Variants in RFX8 observed in about 807,000 individuals in gnomAD.
RFX8 encodes the protein DNA-binding protein RFX8.
RFX8 carries 46 observed loss-of-function variants against 54.6 expected under a neutral mutation model. The ratio of observed to expected loss-of-function variants is 0.84; its 90% CI spans 0.67 to 1.08. RFX8 has a LOEUF of 1.08. RFX8 is among the 50% of genes least tolerant of loss of function. The probability of loss-of-function intolerance (pLI) is 0.00; values close to 1 mark genes in which losing one functional copy is unlikely to be tolerated. For synonymous variants in RFX8, 192 were observed against 209.5 expected (o/e 0.92, Z 0.72); for missense variants, 536 against 562.3 (o/e 0.95, Z 0.47).
At chr2:101,399,097 G>A (rs998036755) in intron 11 of RFX8, among the ~76,000 whole-genome samples, 2 of 152,132 alleles carry the variant, frequency 1.3e-5, no homozygotes, top group South Asian at 2.1e-4. Flanking sequence ...TATTTTGAAC[G>A]CCGCTAGAAT....
rs1282741038 is a variant in RFX8 at position 101,402,581 on chromosome 2, G to A, written c.1100C>T (p.Ser367Leu). The change falls in exon 11 of 12, where the codon TCA becomes TTA. Residue 367 changes from serine (S) to leucine (L), a missense_variant. Transcript: ENST00000428343. ...DQALFHSLNS[S>L]LSQACASPSM... is the part of the protein sequence containing the mutation. ...GGGGCTGGCACACGCCTGCGACAGT[G>A]AGGAATTCAGAGAATGGAAAAGTGC... is the stretch of plus-strand genomic sequence containing the variant. The A allele has an allele frequency of 9.0e-6, 14 of 1,551,954 alleles. No individual in the cohort carries two copies. Among genetic ancestry groups the A allele is most frequent in the South Asian group, 1.2e-5 (1 of 84,058 alleles).
chr2:101,429,659 C>T (rs980541169), intron 2 of RFX8, among the ~76,000 whole-genome samples: 4 of 152,246 alleles, frequency 2.6e-5, no homozygotes, highest in African/African-American at 9.6e-5. Context: ...CCCACGTCCC[C>T]GTCACTCAGC....
At chr2:101,444,582 A>G (rs1249030385) in intron 2 of RFX8, among the ~76,000 whole-genome samples, 2 of 152,376 alleles carry the variant, frequency 1.3e-5, no homozygotes, top group East Asian at 3.9e-4. Flanking sequence ...AGGATTTTCA[A>G]GCAGTCATTA....
At position 101,470,549 on chromosome 2, in the gene RFX8, A is replaced by G. The variant is rs980407887; in HGVS notation, c.-52-3649T>C. Among the ~76,000 whole-genome samples the G allele has an allele frequency of 1.2e-4, 18 of 152,214 alleles. 1 individual carries two copies. The East Asian group carries it at 3.3e-3, about 28-fold the overall frequency. On this transcript the variant is annotated intron_variant, in intron 1 of 11. Transcript: ENST00000428343. ...CACTAGATTCCTTGCTTAGCTTCGT[A>G]ATAACACTATTTTCCTGGTCTTGCC... is the stretch of plus-strand genomic sequence containing the variant.
Position 101,417,667 on chromosome 2 carries a change from G to A in RFX8, c.369C>T (p.Leu123=). The A allele has an allele frequency of 6.5e-7, 1 of 1,548,892 alleles. No individual in the cohort carries two copies. The highest frequency in any genetic ancestry group is 8.7e-7 in the Non-Finnish European group (1 of 1,145,974). ...AAACATCTTCCAAGAAGTCATGAAG[G>A]AGAACATCCTCAATTCCCTACAACA... ...VQLYKGIEDV[L]LHDFLEDVSI... is the part of the protein sequence containing the mutation. Residue 123 remains leucine (L), a synonymous_variant, in exon 6 of 12, where the codon CTC becomes CTT. Transcript: ENST00000428343.
intron 2 of RFX8, among the ~76,000 whole-genome samples, chr2:101,449,921 C>A (rs1057355889): frequency 6.6e-6 from 1 of 151,748 alleles, no homozygotes; most frequent in African/African-American, 2.4e-5. Flanking sequence ...GTCCTGAGGG[C>A]TAAAGGAAGC....
At chr2:101,418,783 G>A in intron 5 of RFX8, 68 bp downstream of exon 5, 1 of 951,880 alleles carries the variant, frequency 1.1e-6, no homozygotes, top group African/African-American at 1.6e-5. Context: ...GGAGCTGTGG[G>A]TCCAAACCCA....
chr2:101,447,362 A>G lies in RFX8; in HGVS notation c.72+19415T>C, dbSNP rs1037562823. On this transcript the variant is annotated intron_variant, in intron 2 of 11. Coordinates refer to ENST00000428343, the MANE Select transcript of RFX8 (RefSeq NM_001145664.2). ...ATGTCCTTGTTCCTGCAGCTGTAAC[A>G]AAATACCTTAGACTGGGTACTTTAT... 3.3e-5 allele frequency among the ~76,000 whole-genome samples: 5 copies of G among 152,346 alleles called. No individual in the cohort carries two copies. In the South Asian group the frequency reaches 1.0e-3, roughly 32 times the overall value.
Position 101,466,871 on chromosome 2 carries a change from T to C in RFX8, c.-23A>G, listed in dbSNP as rs543718145. On this transcript the variant is annotated 5_prime_UTR_variant, in exon 2 of 12. Coordinates refer to ENST00000428343, the MANE Select transcript of RFX8 (RefSeq NM_001145664.2). Reference sequence around the variant, plus strand: ...CATGAGACAGCGAGGGACGCTGCACTCTTCGCAAATGCAGAAGTTGTCGAC... The same window carrying C: ...CATGAGACAGCGAGGGACGCTGCACCCTTCGCAAATGCAGAAGTTGTCGAC... 71 of 1,537,198 alleles carry C rather than the reference T, an allele frequency of 4.6e-5. No individual in the cohort carries two copies. In the African/African-American group the frequency reaches 9.2e-4, roughly 20 times the overall value.
chr2:101,405,934 C>T lies in RFX8; in HGVS notation c.928+9G>A, dbSNP rs1685704946. ...AGAATACAAAATACTTTCTTATTCT[C>T]TGACTTACCAAAACTATCTCTGTGG... On this transcript the variant is annotated intron_variant, in intron 10 of 11. Transcript: ENST00000428343. 1 of 1,488,140 alleles carries T rather than the reference C, an allele frequency of 6.7e-7. No individual in the cohort carries two copies. The highest frequency in any genetic ancestry group is 1.4e-5 in the African/African-American group (1 of 71,104). The allele number at this position is 1,488,140 out of a possible 1,614,324, so 92.2% of individuals were successfully genotyped here. A position where few individuals can be genotyped will look rare whatever the true frequency, so the allele number is the denominator to read the frequency against.
At chr2:101,418,990 C>T (rs1428123876) in intron 4 of RFX8, 26 bp from the exon 5 acceptor site, 2 of 1,344,326 alleles carry the variant, frequency 1.5e-6, no homozygotes, top group Admixed American at 4.1e-5. Flanking sequence ...GAGCATATCG[C>T]CAAAACTCGT....
intron 2 of RFX8, among the ~76,000 whole-genome samples, chr2:101,423,246 C>T (rs1686970338): frequency 9.5e-6 from 1 of 104,972 alleles, no homozygotes; most frequent in Non-Finnish European, 1.9e-5. Context: ...CGACAAAGAG[C>T]AAAACTCCAT....
At chr2:101,451,656 T>C (rs1573458622) in intron 2 of RFX8, among the ~76,000 whole-genome samples, 1 of 133,306 alleles carries the variant, frequency 7.5e-6, no homozygotes, top group East Asian at 2.1e-4. Flanking sequence ...GCCATTGCAC[T>C]CCAGCCTGGG....
chr2:101,421,445 A>G (rs1197273211), intron 4 of RFX8: 1 of 1,127,040 alleles, frequency 8.9e-7, no homozygotes, highest in African/African-American at 1.6e-5. Context: ...AAATGAGCAG[A>G]ATTAGGATCT....
At chr2:101,429,103 G>T in intron 2 of RFX8, 7 of 841,940 alleles carry the variant, frequency 8.3e-6, no homozygotes, top group East Asian at 2.7e-5. Context: ...TTGCAGCAAG[G>T]TTATTTGTTT....
intron 2 of RFX8, among the ~76,000 whole-genome samples, chr2:101,456,043 A>G (rs7601458): frequency 0.34 from 52,166 of 151,612 alleles, 9,583 homozygotes; most frequent in African/African-American, 0.44. Flanking sequence ...GAATGCTTGT[A>G]ATTTTTGTAC....
At chr2:101,415,080 C>T (rs996081749) in intron 6 of RFX8, among the ~76,000 whole-genome samples, 168 bp from the exon 7 acceptor site, 3 of 152,044 alleles carry the variant, frequency 2.0e-5, no homozygotes, top group African/African-American at 7.2e-5. Context: ...AAGATCCTGG[C>T]AGGGGACGCT....
chr2:101,415,657 C>A (rs566496430), intron 6 of RFX8, among the ~76,000 whole-genome samples: 53 of 152,338 alleles, frequency 3.5e-4, no homozygotes, highest in Middle Eastern at 3.4e-3. Flanking sequence ...GGAGAACACT[C>A]GTGCAGTGTT....
chr2:101,454,517 T>G (rs1424589966), intron 2 of RFX8, among the ~76,000 whole-genome samples: 4 of 152,214 alleles, frequency 2.6e-5, no homozygotes, highest in Non-Finnish European at 4.4e-5. Context: ...CCACCAACAG[T>G]GTAAAAGCAT....
Sources: allele counts gnomAD v4.1 joint callset (sites outside exome capture counted in the v4.1 genomes callset), GRCh38; gene constraint gnomAD v4.1.1; transcripts MANE v1.5; gene names NCBI Gene and HGNC (gene_info 2026-07-23, HGNC 2026-07-21).